CEP57L1: variants seen among roughly 807,000 people sequenced by gnomAD.
CEP57L1 encodes centrosomal protein CEP57L1.
Under a neutral mutation model 61.0 loss-of-function variants are expected in CEP57L1, and 37 were observed. The ratio of observed to expected loss-of-function variants is 0.61; its 90% CI spans 0.47 to 0.80. The LOEUF is 0.80. Among genes scored for constraint, CEP57L1 ranks in the 30% least tolerant of loss-of-function variants. The pLI is 0.00. For missense variants in CEP57L1, 422 were observed against 524.7 expected (o/e 0.80, Z 1.91); for synonymous variants, 137 against 162.3 (o/e 0.84, Z 1.19).
intron 1 of CEP57L1, among the ~76,000 whole-genome samples, chr6:109,127,402 GATAGC>G (rs1440222298): frequency 6.6e-6 from 1 of 152,104 alleles, no homozygotes; most frequent in East Asian, 1.9e-4. Flanking sequence ...AATTCAGTCA[GATAGC>G]AGAAGCCATG....
chr6:109,127,167 A>G (rs1655161070), intron 1 of CEP57L1, among the ~76,000 whole-genome samples: 1 of 152,212 alleles, frequency 6.6e-6, no homozygotes, highest in Admixed American at 6.5e-5. Flanking sequence ...TCCGTCTCAA[A>G]CAAAACAAAA....
rs1773873373 is a variant in CEP57L1, at chr6:109,163,180, G to A, written c.*210G>A. Reference sequence around the variant, plus strand: ...TGCTTTTTTATTTTTCTTATTGATTGAAGCCCGTAACCTCATCTTGTCTTA... The same window carrying A: ...TGCTTTTTTATTTTTCTTATTGATTAAAGCCCGTAACCTCATCTTGTCTTA... On this transcript the variant is annotated 3_prime_UTR_variant, in exon 11 of 11. Transcript: ENST00000517392. 2.2e-6 allele frequency: 1 copy of A among 448,906 alleles called. No homozygotes were observed. The highest frequency in any genetic ancestry group is 4.0e-6 in the Non-Finnish European group (1 of 252,732). The allele number at this position is 448,906 out of a possible 1,614,324, so 27.8% of individuals were successfully genotyped here. A position where few individuals can be genotyped will look rare whatever the true frequency, so the allele number is the denominator to read the frequency against.
intron 10 of CEP57L1, among the ~76,000 whole-genome samples, chr6:109,160,951 G>A (rs1004472000): frequency 6.6e-6 from 1 of 152,134 alleles, no homozygotes; most frequent in Non-Finnish European, 1.5e-5. Context: ...GTTCAGTTAT[G>A]TATTCAGAAA....
At position 109,162,936 on chromosome 6, in the gene CEP57L1, A is replaced by G; in HGVS notation, c.1349A>G (p.Lys450Arg). 6.2e-7 allele frequency: 1 copy of G among 1,612,666 alleles called. No individual in the cohort carries two copies. Among genetic ancestry groups the G allele is most frequent in the South Asian group, 1.1e-5 (1 of 91,030 alleles). Residue 450 changes from lysine to arginine, a missense_variant, in exon 11 of 11, where the codon AAA (lysine) becomes AGA (arginine). By Grantham distance (26) the Lys-to-Arg change is conservative. Coordinates refer to ENST00000517392, the MANE Select transcript of CEP57L1 (RefSeq NM_001271852.3). ...HPIRVHNLQM[K>R]LRRDDIMWEQ ...ATACGAGTTCATAATCTTCAAATGAAATTGAGAAGAGATGATATCATGTGG... is the reference window on the plus strand; with the variant it reads ...ATACGAGTTCATAATCTTCAAATGAGATTGAGAAGAGATGATATCATGTGG...
chr6:109,127,763 G>A (rs901948669), intron 1 of CEP57L1, among the ~76,000 whole-genome samples: 1 of 151,688 alleles, frequency 6.6e-6, no homozygotes, highest in Non-Finnish European at 1.5e-5. Context: ...TGGGATTACA[G>A]GCACGTGCCA....
chr6:109,118,815 T>A (rs749554615), intron 1 of CEP57L1, among the ~76,000 whole-genome samples: 4 of 152,214 alleles, frequency 2.6e-5, no homozygotes, highest in Non-Finnish European at 5.9e-5. Context: ...GTAGGTTTTG[T>A]CTTGGAGCTC....
intron 1 of CEP57L1, among the ~76,000 whole-genome samples, chr6:109,134,264 A>G (rs1280476560): frequency 6.6e-6 from 1 of 152,172 alleles, no homozygotes; most frequent in Non-Finnish European, 1.5e-5. Flanking sequence ...CAACATACAC[A>G]AATCAATAAA....
chr6:109,147,567 TAGA>T (rs150504233), intron 3 of CEP57L1, among the ~76,000 whole-genome samples: 4,703 of 152,230 alleles, frequency 0.031, 112 homozygotes, highest in South Asian at 0.06. Flanking sequence ...TGTTTCAACT[TAGA>T]AGTAGAATGA....
intron 1 of CEP57L1, among the ~76,000 whole-genome samples, chr6:109,134,716 C>G (rs2114787201): frequency 6.6e-6 from 1 of 152,278 alleles, no homozygotes; most frequent in East Asian, 1.9e-4. Context: ...TCAGCAAAGT[C>G]TCAGGATACA....
rs1774290015 is a variant in CEP57L1 at position 109,169,225 on chromosome 6, G to GTA, written c.*6255_*6256insTA. 1.6e-4 allele frequency among the ~76,000 whole-genome samples: 8 copies of GTA among 50,354 alleles called. No homozygotes were observed. Among genetic ancestry groups the GTA allele is most frequent in the African/African-American group, 5.5e-4 (8 of 14,646 alleles). The allele number at this position is 50,354 out of a possible 152,430, so 33.0% of individuals were successfully genotyped here. On this transcript the variant is annotated 3_prime_UTR_variant, in exon 11 of 11. Coordinates refer to ENST00000517392, the MANE Select transcript of CEP57L1 (RefSeq NM_001271852.3). ...TGAGCAGCAGAGTGAGGCTCCATCA[G>GTA]CAAAAAAAAAAAAAAAAAAAAAGAT...
Position 109,164,027 on chromosome 6 carries a change from GATATA to G in CEP57L1, c.*1061_*1065del, listed in dbSNP as rs1007811728. The G allele has an allele frequency of 1.3e-5, 2 of 152,136 alleles. No homozygotes were observed. Among genetic ancestry groups the G allele is most frequent in the African/African-American group, 2.4e-5 (1 of 41,414 alleles). The allele number at this position is 152,136 out of a possible 1,614,324, so 9.4% of individuals were successfully genotyped here. ...TTAGAAATAGAGGACAGAGAGAAAA[GATATA>G]ATAGAATGGAGGAGCTCAAATATAG... On this transcript the variant is annotated 3_prime_UTR_variant, in exon 11 of 11. Coordinates refer to ENST00000517392, the MANE Select transcript of CEP57L1 (RefSeq NM_001271852.3).
intron 1 of CEP57L1, among the ~76,000 whole-genome samples, chr6:109,111,027 T>G (rs907972194): frequency 6.6e-6 from 1 of 151,878 alleles, no homozygotes; most frequent in Admixed American, 6.6e-5. Flanking sequence ...TTGGTTCCAT[T>G]TGAAATTTAA....
At chr6:109,109,135 ATAG>A (rs1314548112) in intron 1 of CEP57L1, among the ~76,000 whole-genome samples, 1 of 152,182 alleles carries the variant, frequency 6.6e-6, no homozygotes, top group Non-Finnish European at 1.5e-5. Context: ...TAATATCTCA[ATAG>A]TAGTCTCCTG....
chr6:109,152,187 T>A (rs1772684807), intron 4 of CEP57L1, among the ~76,000 whole-genome samples: 1 of 152,210 alleles, frequency 6.6e-6, no homozygotes, highest in Non-Finnish European at 1.5e-5. Context: ...TTATCTTTTT[T>A]ATTTTTTTTG....
chr6:109,148,947 C>A (rs1476533712), intron 3 of CEP57L1, among the ~76,000 whole-genome samples: 6 of 152,160 alleles, frequency 3.9e-5, no homozygotes, highest in African/African-American at 9.7e-5. Context: ...ATGTCCTTCG[C>A]CCACTTGTTG....
intron 4 of CEP57L1, among the ~76,000 whole-genome samples, chr6:109,150,596 A>C (rs778121808): frequency 1.3e-5 from 2 of 150,854 alleles, no homozygotes; most frequent in Non-Finnish European, 3.0e-5. Context: ...CGGGAGGCAG[A>C]GGTTGCAGTG....
chr6:109,100,672 C>CAAAAA (rs539993641), intron 1 of CEP57L1, among the ~76,000 whole-genome samples: 2 of 74,006 alleles, frequency 2.7e-5, no homozygotes, highest in African/African-American at 5.1e-5. Context: ...GAGATTGTCT[C>CAAAAA]AAAAAAAAAA....
At chr6:109,136,923 G>A (rs777888919) in intron 1 of CEP57L1, among the ~76,000 whole-genome samples, 3 of 151,848 alleles carry the variant, frequency 2.0e-5, no homozygotes, top group Non-Finnish European at 2.9e-5. Context: ...GCCCTACAAT[G>A]TATTTTTAGT....
intron 1 of CEP57L1, among the ~76,000 whole-genome samples, chr6:109,105,868 C>G (rs1167354022): frequency 6.6e-6 from 1 of 152,188 alleles, no homozygotes; most frequent in Non-Finnish European, 1.5e-5. Flanking sequence ...CAGCTGCTCT[C>G]CATTGCTTGC....
Sources: allele counts gnomAD v4.1 joint callset (sites outside exome capture counted in the v4.1 genomes callset), GRCh38; gene constraint gnomAD v4.1.1; transcripts MANE v1.5; gene names NCBI Gene and HGNC (gene_info 2026-07-23, HGNC 2026-07-21).